The following ANAPC4 variants were observed in gnomAD, a reference collection of about 807,000 sequenced individuals.
ANAPC4 encodes anaphase-promoting complex subunit 4.
ANAPC4 carries 63 observed loss-of-function variants against 119.8 expected under a neutral mutation model. The observed-to-expected ratio is 0.53, with a 90% CI of 0.43 to 0.65. The LOEUF (loss-of-function observed/expected upper bound fraction) is 0.65, where lower values mean the gene tolerates loss of function less well. Among genes scored for constraint, ANAPC4 ranks in the 30% least tolerant of loss-of-function variants. ANAPC4 has a pLI of 0.00. For missense variants in ANAPC4, 716 were observed against 945.1 expected (o/e 0.76, Z 3.18); for synonymous variants, 283 against 318.6 (o/e 0.89, Z 1.19).
At chr4:25,383,464 G>A (rs1388724160) in intron 4 of ANAPC4, 71 bp downstream of exon 4, 21 of 1,395,090 alleles carry the variant, frequency 1.5e-5, no homozygotes, top group Non-Finnish European at 1.8e-5. Context: ...AAACTTAGGA[G>A]TATCTGAGTA....
intron 14 of ANAPC4, among the ~76,000 whole-genome samples, chr4:25,395,744 C>T (rs1220164107): frequency 6.6e-6 from 1 of 152,166 alleles, no homozygotes; most frequent in Non-Finnish European, 1.5e-5. Flanking sequence ...GCCACCACAC[C>T]TGGTGGTGTT....
intron 7 of ANAPC4, among the ~76,000 whole-genome samples, chr4:25,389,159 ATTTTTTTTT>A (rs113710613): frequency 4.5e-5 from 6 of 132,186 alleles, no homozygotes; most frequent in African/African-American, 1.7e-4. Flanking sequence ...CACCCAGCTA[ATTTTTTTTT>A]TTTTTTTTTG....
In ANAPC4 at chr4:25,417,626, C is replaced by G; in HGVS notation, c.2086C>G (p.Gln696Glu). ...TTTTTCCCTCTTTAGGCTAGATGAA[C>G]AGTGTAGTGCTATTCCCACCCGTAC... ...TGTYSTRLDE[Q>E]CSAIPTRTMH... Residue 696 changes from glutamine (Q) to glutamate (E), a missense_variant, in exon 28 of 29, where the codon CAG (glutamine) becomes GAG (glutamate). Coordinates refer to ENST00000315368, the MANE Select transcript of ANAPC4 (RefSeq NM_013367.3). 1 of 1,593,786 alleles carries G rather than the reference C, an allele frequency of 6.3e-7. No individual in the cohort carries two copies. The highest frequency in any genetic ancestry group is 8.5e-7 in the Non-Finnish European group (1 of 1,172,662).
intron 4 of ANAPC4, among the ~76,000 whole-genome samples, chr4:25,384,989 T>C (rs139661556): frequency 8.3e-4 from 126 of 152,284 alleles, no homozygotes; most frequent in African/African-American, 2.9e-3. Flanking sequence ...GCCTCAACAG[T>C]GGATTAAAAC....
rs1377626501 is a variant in ANAPC4 at position 25,405,831 on chromosome 4, T to C, written c.1317+212T>C. Among the ~76,000 whole-genome samples, 1 of 152,216 alleles carries C rather than the reference T, an allele frequency of 6.6e-6. No individual in the cohort carries two copies. Among genetic ancestry groups the C allele is most frequent in the Non-Finnish European group, 1.5e-5 (1 of 68,032 alleles). ...AATACCTTTATTATGACTATCTAAA[T>C]TTATAGTTTTCATGTTTGGATAAGG... is the stretch of plus-strand genomic sequence containing the variant. On this transcript the variant is annotated intron_variant, in intron 18 of 28. Coordinates refer to ENST00000315368, the MANE Select transcript of ANAPC4 (RefSeq NM_013367.3). The surrounding 1 kb of genome is among the most constrained non-coding windows in gnomAD (Gnocchi z 4.6).
chr4:25,418,140 CCTTTT>C lies in ANAPC4; in HGVS notation c.2200-9_2200-5del, dbSNP rs1723983740. 7 of 1,601,436 alleles carry C rather than the reference CCTTTT, an allele frequency of 4.4e-6. No homozygotes were observed. Among genetic ancestry groups the C allele is most frequent in the Admixed American group, 1.7e-5 (1 of 58,632 alleles). On this transcript the variant is annotated splice_polypyrimidine_tract_variant and intron_variant, in intron 28 of 28. Transcript: ENST00000315368. ...CATTAATTTAAAAATGCTTTTATGG[CCTTTT>C]CTTTTTTAGTTAAGCTCAAATCTTC...
At chr4:25,397,951 C>G (rs577573387) in intron 16 of ANAPC4, among the ~76,000 whole-genome samples, 5 of 151,612 alleles carry the variant, frequency 3.3e-5, no homozygotes, top group African/African-American at 1.2e-4. Context: ...TTTATTTTTG[C>G]GATGGGGTCT....
intron 4 of ANAPC4, among the ~76,000 whole-genome samples, chr4:25,387,045 T>G (rs546064278): frequency 6.6e-4 from 100 of 152,204 alleles, no homozygotes; most frequent in African/African-American, 2.2e-3. Flanking sequence ...GAACTTTTTT[T>G]TGTGTCTCAG....
At chr4:25,402,019 A>G (rs1029808484) in intron 16 of ANAPC4, among the ~76,000 whole-genome samples, 1 of 152,220 alleles carries the variant, frequency 6.6e-6, no homozygotes, top group Non-Finnish European at 1.5e-5. Flanking sequence ...CAGGTTCCAG[A>G]TGGAGAAACT....
At chr4:25,414,441 C>T (rs1021801598) in intron 23 of ANAPC4, 25 bp from the exon 24 acceptor site, 4 of 1,598,442 alleles carry the variant, frequency 2.5e-6, no homozygotes, top group Non-Finnish European at 3.4e-6. Context: ...AAATTTTTCT[C>T]ATTTCTTTTT....
At chr4:25,403,668 A>G (rs897164760) in intron 17 of ANAPC4, among the ~76,000 whole-genome samples, 3 of 152,160 alleles carry the variant, frequency 2.0e-5, no homozygotes, top group Admixed American at 1.3e-4. Context: ...ATTTAAGTGG[A>G]TTGAAATCCT....
At chr4:25,406,673 C>T (rs1487735191) in intron 18 of ANAPC4, among the ~76,000 whole-genome samples, 156 bp from the exon 19 acceptor site, 1 of 152,228 alleles carries the variant, frequency 6.6e-6, no homozygotes, top group African/African-American at 2.4e-5. Context: ...CATATTTTCA[C>T]AGTCGCATAA....
chr4:25,413,663 CTTA>C lies in ANAPC4; in HGVS notation c.1549_1551del (p.Tyr517del), dbSNP rs887768418. 3 of 1,612,540 alleles carry C rather than the reference CTTA, an allele frequency of 1.9e-6. No individual in the cohort carries two copies. Among genetic ancestry groups the C allele is most frequent in the African/African-American group, 2.7e-5 (2 of 74,784 alleles). ...AAACCAGAAAGTCCTTTGCTGTTTC[CTTA>C]TTATCCTCGAAAATCATTGCATTTT... On this transcript the variant is annotated inframe_deletion, in exon 22 of 29. Coordinates refer to ENST00000315368, the MANE Select transcript of ANAPC4 (RefSeq NM_013367.3).
chr4:25,390,712 G>A (rs942453241), intron 8 of ANAPC4, among the ~76,000 whole-genome samples, 199 bp from the exon 9 acceptor site: 9 of 152,160 alleles, frequency 5.9e-5, no homozygotes, highest in Non-Finnish European at 1.0e-4. Context: ...TAGGGGTGAG[G>A]GAACCAGGTT....
chr4:25,416,386 C>T (rs761367847), intron 26 of ANAPC4, 39 bp from the exon 27 acceptor site: 40 of 1,355,228 alleles, frequency 3.0e-5, no homozygotes, highest in African/African-American at 2.0e-4. Flanking sequence ...TCAGTAGTCA[C>T]GATCATCTTT....
At chr4:25,383,449 A>G in intron 4 of ANAPC4, 56 bp downstream of exon 4, 1 of 1,477,350 alleles carries the variant, frequency 6.8e-7, no homozygotes, top group Non-Finnish European at 9.0e-7. Context: ...TATTTTTTGA[A>G]ATGGAAACTT....
At chr4:25,390,087 C>A in intron 7 of ANAPC4, 49 bp from the exon 8 acceptor site, 1 of 1,260,724 alleles carries the variant, frequency 7.9e-7, no homozygotes, top group Non-Finnish European at 1.2e-6. Context: ...ACAATGCAAT[C>A]ATCTGTGTTG....
chr4:25,382,527 A>G (rs1721797410), intron 3 of ANAPC4, among the ~76,000 whole-genome samples: 1 of 152,238 alleles, frequency 6.6e-6, no homozygotes, highest in African/African-American at 2.4e-5. Context: ...TAAAATGTTT[A>G]TAAGTAGTTG....
chr4:25,389,509 T>C (rs912589492), intron 7 of ANAPC4, among the ~76,000 whole-genome samples: 7 of 152,010 alleles, frequency 4.6e-5, no homozygotes, highest in African/African-American at 1.7e-4. Context: ...GCCAGGCTGG[T>C]CTCAGACTCC....
Sources: allele counts gnomAD v4.1 joint callset (sites outside exome capture counted in the v4.1 genomes callset), GRCh38; gene constraint gnomAD v4.1.1; non-coding constraint Gnocchi (gnomAD v3.1); transcripts MANE v1.5; gene names NCBI Gene and HGNC (gene_info 2026-07-23, HGNC 2026-07-21).